Variants in ANKRD26 observed in about 807,000 individuals in gnomAD.
The protein encoded by ANKRD26 is ankyrin repeat domain-containing protein 26.
Under a neutral mutation model 208.7 loss-of-function variants are expected in ANKRD26, and 141 were observed. That is an observed-to-expected ratio of 0.68 (90% CI 0.59 to 0.78). The LOEUF is 0.78. ANKRD26 is among the 30% of genes least tolerant of loss of function. The pLI, the probability that ANKRD26 is intolerant of heterozygous loss-of-function variation, is 0.00. For missense variants in ANKRD26, 1,889 were observed against 1,938.7 expected (o/e 0.97, Z 0.48); for synonymous variants, 636 against 660.4 (o/e 0.96, Z 0.57).
At chr10:27,038,122 C>T (rs2054104306) in intron 21 of ANKRD26, 68 bp from the exon 22 acceptor site, 2 of 1,310,178 alleles carry the variant, frequency 1.5e-6, no homozygotes, top group African/African-American at 1.5e-5. Context: ...GTGTGATATG[C>T]CGCTTTGTAT....
At chr10:26,976,978 A>G (rs575907722) in intron 5 of ANKRD26, among the ~76,000 whole-genome samples, 25 of 152,306 alleles carry the variant, frequency 1.6e-4, no homozygotes, top group Admixed American at 1.2e-3. Flanking sequence ...TCACCTTTAG[A>G]CGATGAGTAG....
At chr10:26,963,902 GGTTTTTTTTTTTT>G in the ANKRD26 span, among the ~76,000 whole-genome samples, 1 of 66,974 alleles carries the variant, frequency 1.5e-5, no homozygotes, top group Admixed American at 1.4e-4. Context: ...ATGGTTGGTT[GGTTTTTTTTTTTT>G]TTTTTTTTTT....
At chr10:27,032,281 C>A (rs1305245824) in intron 25 of ANKRD26, among the ~76,000 whole-genome samples, 1 of 152,084 alleles carries the variant, frequency 6.6e-6, no homozygotes, top group African/African-American at 2.4e-5. Flanking sequence ...GGTGGAACAC[C>A]TGAGGTCAGG....
At chr10:27,023,522 T>G (rs1439572701) in intron 28 of ANKRD26, among the ~76,000 whole-genome samples, 1 of 151,846 alleles carries the variant, frequency 6.6e-6, no homozygotes, top group African/African-American at 2.4e-5. Context: ...AGAAACATTT[T>G]TGACGTCTGA....
chr10:27,064,047 T>A lies in ANKRD26; in HGVS notation c.1304A>T (p.Asp435Val). The A allele has an allele frequency of 6.2e-7, 1 of 1,611,558 alleles. No individual in the cohort carries two copies. Among genetic ancestry groups the A allele is most frequent in the Non-Finnish European group, 8.5e-7 (1 of 1,179,584 alleles). ...ISENFPQKYV[D>V]PLAGAADGKE... is the part of the protein sequence containing the mutation. The stretch of plus-strand genomic sequence containing the variant: ...TCCGTCTGCAGCCCCAGCTAAAGGA[T>A]CAACATACTTCTGTGGAAAATTCTC... The change falls in exon 12 of 34, where the codon GAT (aspartate) becomes GTT (valine). Residue 435 changes from aspartate (D) to valine (V), a missense_variant. By Grantham distance (152) the Asp-to-Val change is radical (BLOSUM62 -3). This residue lies in a region of ANKRD26 where 1,272 missense variants were observed against 1,273.8 expected (regional missense o/e 1.00). Coordinates refer to ENST00000376087, the MANE Select transcript of ANKRD26 (RefSeq NM_014915.3).
downstream of ANKRD26, among the ~76,000 whole-genome samples, chr10:27,002,242 G>C (rs2052740928): frequency 1.3e-5 from 2 of 152,132 alleles, no homozygotes; most frequent in Non-Finnish European, 2.9e-5. Flanking sequence ...AGCTGCTTAG[G>C]GGCCGGGACA....
chr10:26,995,652 A>G (rs147726587), intron 4 of ANKRD26, among the ~76,000 whole-genome samples: 67 of 152,316 alleles, frequency 4.4e-4, no homozygotes, highest in African/African-American at 1.6e-3. Flanking sequence ...GGAAAGTTAA[A>G]CTACGCTCAC....
chr10:27,040,049 T>C lies in ANKRD26; in HGVS notation c.2291A>G (p.Gln764Arg), dbSNP rs766076922. 3.1e-6 allele frequency: 5 copies of C among 1,613,626 alleles called. No individual in the cohort carries two copies. In the East Asian group the frequency reaches 8.9e-5, roughly 29 times the overall value. The stretch of plus-strand genomic sequence containing the variant: ...TTCTTTTGTTTCAGATAGCTCCCTT[T>C]GTAGTACATTAACCTTGTCTTCCAT... ...KKMEDKVNVL[Q>R]RELSETKEIK... is the part of the protein sequence containing the mutation. Residue 764 changes from glutamine (Q) to arginine (R), a missense_variant, in exon 21 of 34, where the codon CAA (glutamine) becomes CGA (arginine). Physicochemically the swap from Gln to Arg is conservative, Grantham distance 43. Coordinates refer to ENST00000376087, the MANE Select transcript of ANKRD26 (RefSeq NM_014915.3).
At chr10:27,065,544 T>G (rs2055207176) in intron 11 of ANKRD26, among the ~76,000 whole-genome samples, 1 of 152,098 alleles carries the variant, frequency 6.6e-6, no homozygotes. Context: ...AAAAGTACCC[T>G]GAATATTTAT....
At chr10:27,079,967 C>A (rs1445936804) in intron 6 of ANKRD26, 3 of 242,478 alleles carry the variant, frequency 1.2e-5, no homozygotes, top group Admixed American at 4.5e-5. Context: ...GCCAGTCTGA[C>A]CAACATAGTG....
At chr10:26,949,064 G>T in the ANKRD26 span, among the ~76,000 whole-genome samples, 4 of 151,874 alleles carry the variant, frequency 2.6e-5, no homozygotes, top group Non-Finnish European at 5.9e-5. Flanking sequence ...CATATCAGTG[G>T]GTATTTAGTT....
intron 4 of ANKRD26, among the ~76,000 whole-genome samples, chr10:27,088,606 A>G (rs150852935): frequency 2.0e-5 from 3 of 152,304 alleles, no homozygotes; most frequent in Non-Finnish European, 4.4e-5. Flanking sequence ...GATTTTCATT[A>G]TGAAAAACAG....
Position 27,046,463 on chromosome 10 carries a change from C to T in ANKRD26, c.1875G>A (p.Ser625=), listed in dbSNP as rs539828112. The change falls in exon 18 of 34, where the codon TCG becomes TCA. Residue 625 remains serine (S), a synonymous_variant. Transcript: ENST00000376087. ...ACACTGGTGAATTCACAGATTCTTT[C>T]GAGGTCCGTTTTTCTTTTTCAGTGC... ...VKSTEKEKRT[S]KESVNSPVFG... 1.1e-4 allele frequency: 178 copies of T among 1,614,030 alleles called. 2 individuals carry two copies. In the South Asian group the frequency reaches 1.7e-3, roughly 15 times the overall value.
intron 14 of ANKRD26, 25 bp downstream of exon 14, chr10:27,060,487 A>G: frequency 1.9e-6 from 3 of 1,563,832 alleles, no homozygotes; most frequent in Non-Finnish European, 1.8e-6. Context: ...TTAATAATTC[A>G]AGATAAAAAT....
intron 4 of ANKRD26, among the ~76,000 whole-genome samples, chr10:26,997,045 A>C (rs993156235): frequency 6.6e-6 from 1 of 151,448 alleles, no homozygotes; most frequent in Non-Finnish European, 1.5e-5. Flanking sequence ...TATTCCAAAA[A>C]AAATCCACCT....
At chr10:27,080,608 G>A (rs1296376819) in intron 6 of ANKRD26, 2 of 982,054 alleles carry the variant, frequency 2.0e-6, no homozygotes, top group Non-Finnish European at 2.4e-6. Context: ...ATTTCCCTAA[G>A]TACTATCTAA....
At chr10:27,042,800 A>C (rs1240795836) in intron 20 of ANKRD26, among the ~76,000 whole-genome samples, 1 of 101,838 alleles carries the variant, frequency 9.8e-6, no homozygotes, top group East Asian at 2.8e-4. Flanking sequence ...AAAAAATACA[A>C]AAAAAAAAAA....
At chr10:27,044,718 A>T (rs2054381341) in intron 18 of ANKRD26, among the ~76,000 whole-genome samples, 1 of 152,212 alleles carries the variant, frequency 6.6e-6, no homozygotes, top group Non-Finnish European at 1.5e-5. Context: ...ACTCATTTTA[A>T]TCCTAACAAT....
chr10:27,030,394 T>C (rs909603082), intron 25 of ANKRD26: 2 of 985,308 alleles, frequency 2.0e-6, no homozygotes, highest in East Asian at 1.1e-4. Context: ...ATAACTTACA[T>C]GGCCATCAGA....
Sources: allele counts gnomAD v4.1 joint callset (sites outside exome capture counted in the v4.1 genomes callset), GRCh38; gene constraint gnomAD v4.1.1; regional missense constraint gnomAD v4.1.1; transcripts MANE v1.5; gene names NCBI Gene and HGNC (gene_info 2026-07-23, HGNC 2026-07-21).